Variants in PROSER3 observed in about 807,000 individuals in gnomAD.
PROSER3 encodes the protein proline and serine-rich protein 3.
PROSER3 carries 33 observed loss-of-function variants against 50.2 expected under a neutral mutation model. The observed-to-expected ratio is 0.66, with a 90% CI of 0.50 to 0.88. PROSER3 has a LOEUF of 0.88. Ranked by LOEUF, PROSER3 falls within the 40% of genes least tolerant of loss-of-function variation. The pLI is 0.00. For missense variants in PROSER3, 623 were observed against 612.7 expected (o/e 1.02, Z -0.18); for synonymous variants, 266 against 259.3 (o/e 1.03, Z -0.25).
At position 35,764,869 on chromosome 19, in the gene PROSER3, A is replaced by G. The variant is rs1413719266; in HGVS notation, c.559A>G (p.Asn187Asp). The G allele has an allele frequency of 6.2e-6, 10 of 1,613,506 alleles. No homozygotes were observed. The Admixed American group carries it at 6.7e-5, about 11-fold the overall frequency. Residue 187 changes from asparagine (N) to aspartate (D), a missense_variant, in exon 6 of 11, where the codon AAC (asparagine) becomes GAC (aspartate). This residue lies in a region of PROSER3 where 236 missense variants were observed against 243.6 expected (regional missense o/e 0.97). Transcript: ENST00000396908. ...CACCCTGCAGAACCTCCACACATGG[A>G]ACTCATCCCTGCTGGACCTGGAGAC...
chr19:35,768,163 G>C, exon 10 of PROSER3: 1 of 1,613,238 alleles, frequency 6.2e-7, no homozygotes. Context: ...AGACTCCGAC[G>C]GCAGCGAGTT....
chr19:35,759,004 A>G (rs1294346654), intron 1 of PROSER3: 1 of 186,802 alleles, frequency 5.4e-6, no homozygotes, highest in East Asian at 1.5e-4. Context: ...TCCACTTCGC[A>G]ATCACCTGGG....
chr19:35,762,351 A>C (rs1970981712), exon 5 of PROSER3: 1 of 1,600,044 alleles, frequency 6.2e-7, no homozygotes, highest in African/African-American at 1.3e-5. Context: ...TCAGGAAATA[A>C]AGCAGGTGAC....
Position 35,768,140 on chromosome 19 carries a change from T to A in PROSER3, c.1220-15T>A. On this transcript the variant is annotated splice_polypyrimidine_tract_variant and intron_variant, in intron 9 of 10. Coordinates refer to ENST00000396908, the Ensembl canonical transcript of PROSER3. Reference sequence around the variant, plus strand: ...GGCCGGCCCCTTGGAGCTCATTCTTTTCTCCCCGGCCCAGACTCCGACGGC... The same window carrying A: ...GGCCGGCCCCTTGGAGCTCATTCTTATCTCCCCGGCCCAGACTCCGACGGC... The A allele has an allele frequency of 1.2e-6, 2 of 1,611,508 alleles. 1 individual carries two copies. Among genetic ancestry groups the A allele is most frequent in the East Asian group, 4.5e-5 (2 of 44,764 alleles).
chr19:35,767,825 G>A, exon 9 of PROSER3: 2 of 1,613,276 alleles, frequency 1.2e-6, no homozygotes, highest in Non-Finnish European at 1.7e-6. Context: ...GAAAGCCAAG[G>A]CCTTGCCGCC....
chr19:35,768,284 C>A (rs1971240754), intron 10 of PROSER3, 48 bp downstream of exon 10: 1 of 1,588,112 alleles, frequency 6.3e-7, no homozygotes, highest in Non-Finnish European at 8.6e-7. Context: ...GCCCCGGAGA[C>A]CTCTGAGACC....
At chr19:35,764,604 C>T (rs1274284415) in intron 5 of PROSER3, among the ~76,000 whole-genome samples, 3 of 150,704 alleles carry the variant, frequency 2.0e-5, no homozygotes, top group East Asian at 2.0e-4. Flanking sequence ...TGCTGTGAGC[C>T]GAGATCGTGC....
At chr19:35,765,299 G>A in intron 7 of PROSER3, 123 bp downstream of exon 7, 1 of 1,257,024 alleles carries the variant, frequency 8.0e-7, no homozygotes, top group South Asian at 1.5e-5. Context: ...CAGGGATAAG[G>A]CCAGATGAGG....
chr19:35,762,690 C>T, intron 5 of PROSER3: 1 of 195,092 alleles, frequency 5.1e-6, no homozygotes. Context: ...CATGCCACTG[C>T]ACTCCAGCCT....
At position 35,767,988 on chromosome 19, in the gene PROSER3, C is replaced by CA; in HGVS notation, c.1142_1143insA (p.Pro382AlafsTer6). The CA allele has an allele frequency of 6.3e-7, 1 of 1,597,272 alleles. No homozygotes were observed. The highest frequency in any genetic ancestry group is 8.5e-7 in the Non-Finnish European group (1 of 1,174,408). On this transcript the variant is annotated frameshift_variant, in exon 9 of 11. Coordinates refer to ENST00000396908, the Ensembl canonical transcript of PROSER3. LOFTEE classifies it high-confidence loss of function. ...GTGGGGTCTCCGGAGGCCCTGGCCC[C>CA]GCCCCCGCCCGCTGCTGACCACGCC...
chr19:35,762,157 C>T lies in PROSER3; in HGVS notation c.439+11C>T. 1 of 1,591,686 alleles carries T rather than the reference C, an allele frequency of 6.3e-7. No homozygotes were observed. Among genetic ancestry groups the T allele is most frequent in the Non-Finnish European group, 8.6e-7 (1 of 1,162,532 alleles). ...GTCAAAGTGCAGCAGGTACCTCTTT[C>T]AGTGCCATCCACTACTCCCACCCCT... On this transcript the variant is annotated intron_variant, in intron 4 of 10. Coordinates refer to ENST00000396908, the Ensembl canonical transcript of PROSER3.
chr19:35,761,968 A>C, intron 3 of PROSER3, 51 bp from the exon 4 acceptor site: 6 of 1,514,904 alleles, frequency 4.0e-6, no homozygotes, highest in Admixed American at 2.1e-5. Flanking sequence ...TATTCTTATT[A>C]TTATTTGGCT....
At chr19:35,768,576 C>T (rs1971252788) in exon 11 of PROSER3, 13 of 1,519,904 alleles carry the variant, frequency 8.6e-6, no homozygotes, top group Non-Finnish European at 1.0e-5. Context: ...CCCAGTGAGG[C>T]TCTTTTTTTT....
At position 35,767,046 on chromosome 19, in the gene PROSER3, C is replaced by G; in HGVS notation, c.957+91C>G. 5.8e-6 allele frequency: 8 copies of G among 1,379,574 alleles called. 1 individual carries two copies. The highest frequency in any genetic ancestry group is 7.8e-6 in the Non-Finnish European group (8 of 1,023,538). 85.5% of individuals were successfully genotyped at this position (1,379,574 alleles called of 1,614,324 possible). A position where few individuals can be genotyped will look rare whatever the true frequency, so the allele number is the denominator to read the frequency against. ...GACCCTCCACCCTCTCTCTCTCTGT[C>G]TCAGATCTCTCTTATCTGTCTACAG... On this transcript the variant is annotated intron_variant, in intron 8 of 10. Transcript: ENST00000396908.
At chr19:35,767,550 A>T (rs1400251639) in intron 8 of PROSER3, 1 of 534,938 alleles carries the variant, frequency 1.9e-6, no homozygotes, top group Admixed American at 3.5e-5. Context: ...CTGGGGCCCA[A>T]GTCTCGGAGG....
Position 35,762,421 on chromosome 19 carries a change from T to G in PROSER3, c.543+65T>G, listed in dbSNP as rs1245886462. ...TGACAACACCAGCCCTAGGACAGAA[T>G]TAGAAGATCAGGAGCAGTGGCTCAC... On this transcript the variant is annotated intron_variant, in intron 5 of 10. Coordinates refer to ENST00000396908, the Ensembl canonical transcript of PROSER3. 3 of 1,417,744 alleles carry G rather than the reference T, an allele frequency of 2.1e-6. No individual in the cohort carries two copies. In the Admixed American group the frequency reaches 5.9e-5, roughly 28 times the overall value. 87.8% of individuals were successfully genotyped at this position (1,417,744 alleles called of 1,614,324 possible). A position where few individuals can be genotyped will look rare whatever the true frequency, so the allele number is the denominator to read the frequency against.
intron 8 of PROSER3, chr19:35,767,373 C>G: frequency 7.4e-6 from 2 of 270,962 alleles, no homozygotes; most frequent in South Asian, 1.1e-4. Flanking sequence ...ACCCTCGAAC[C>G]CCCGGCCTCC....
rs1294827975 is a variant in PROSER3 at position 35,765,074 on chromosome 19, G to A, written c.667G>A (p.Asp223Asn). ...CTCCTCCTCCTCCCTCAGCCCCAGC[G>A]ATGCCAGCACTTCCTCATTCCCCAC... Residue 223 changes from aspartate to asparagine, a missense_variant, in exon 7 of 11, where the codon GAT becomes AAT. Physicochemically the swap from Asp to Asn is conservative, Grantham distance 23. Coordinates refer to ENST00000396908, the Ensembl canonical transcript of PROSER3. The A allele has an allele frequency of 3.7e-6, 6 of 1,613,686 alleles. No homozygotes were observed. The highest frequency in any genetic ancestry group is 2.7e-5 in the African/African-American group (2 of 74,882).
intron 1 of PROSER3, 97 bp from the exon 2 acceptor site, chr19:35,759,277 T>C: frequency 1.1e-6 from 1 of 904,096 alleles, no homozygotes. Context: ...CCTCCAGGAA[T>C]CTATGGGAAT....
Sources: allele counts gnomAD v4.1 joint callset (sites outside exome capture counted in the v4.1 genomes callset), GRCh38; gene constraint gnomAD v4.1.1; regional missense constraint gnomAD v4.1.1; transcripts MANE v1.5; gene names NCBI Gene and HGNC (gene_info 2026-07-23, HGNC 2026-07-21).